Variants in NFYC observed in about 807,000 individuals in gnomAD.
NFYC encodes nuclear transcription factor Y subunit gamma.
NFYC carries 25 observed loss-of-function variants against 53.1 expected under a neutral mutation model. That is an observed-to-expected ratio of 0.47 (90% CI 0.34 to 0.66). NFYC has a LOEUF of 0.66. Ranked by LOEUF, NFYC falls within the 30% of genes least tolerant of loss-of-function variation. The pLI, the probability that NFYC is intolerant of heterozygous loss-of-function variation, is 0.01. For missense variants in NFYC, 260 were observed against 422.7 expected (o/e 0.62, Z 3.38); for synonymous variants, 145 against 152.6 (o/e 0.95, Z 0.37).
At chr1:40,767,966 A>G (rs1256839060) in intron 8 of NFYC, among the ~76,000 whole-genome samples, 2 of 152,020 alleles carry the variant, frequency 1.3e-5, no homozygotes, top group Non-Finnish European at 2.9e-5. Context: ...ACAGAGTGAG[A>G]CTCTGTCTCA....
intron 1 of NFYC, among the ~76,000 whole-genome samples, chr1:40,714,510 A>T (rs902601226): frequency 6.6e-6 from 1 of 152,212 alleles, no homozygotes; most frequent in Admixed American, 6.5e-5. Flanking sequence ...GGCTTGAACG[A>T]TGTAAGTTAT....
At chr1:40,738,763 A>G (rs1645186289) in intron 1 of NFYC, 73 bp from the exon 2 acceptor site, 2 of 1,062,346 alleles carry the variant, frequency 1.9e-6, no homozygotes, top group Non-Finnish European at 2.9e-6. Flanking sequence ...CCACAAATAT[A>G]CAAATGCCTA....
At position 40,710,625 on chromosome 1, in the gene NFYC, C is replaced by G. The variant is rs896681856; in HGVS notation, c.-9+18758C>G. On this transcript the variant is annotated intron_variant, in intron 1 of 9. Transcript: ENST00000447388. ...TTTCTGCAGCAGACTCAGTGTGGAG[C>G]CGTCAGCCAGCAGCACTTAGTCTCT... 2.6e-5 allele frequency among the ~76,000 whole-genome samples: 4 copies of G among 152,282 alleles called. No individual in the cohort carries two copies. In the East Asian group the frequency reaches 7.7e-4, roughly 29 times the overall value.
chr1:40,701,381 A>G (rs1351554726), intron 1 of NFYC, among the ~76,000 whole-genome samples: 1 of 152,194 alleles, frequency 6.6e-6, no homozygotes. Flanking sequence ...GATTAAAGGC[A>G]TGAGCCACTG....
chr1:40,714,575 A>T (rs1201696834), intron 1 of NFYC, among the ~76,000 whole-genome samples: 1 of 152,200 alleles, frequency 6.6e-6, no homozygotes. Flanking sequence ...ACATAGCTGG[A>T]TAGAATATAT....
intron 1 of NFYC, among the ~76,000 whole-genome samples, chr1:40,706,926 T>C (rs1643719899): frequency 6.6e-6 from 1 of 152,130 alleles, no homozygotes; most frequent in African/African-American, 2.4e-5. Flanking sequence ...TCCCAGCACT[T>C]TGGGAGACCG....
chr1:40,727,864 T>G (rs555771632), intron 1 of NFYC, among the ~76,000 whole-genome samples: 2 of 143,592 alleles, frequency 1.4e-5, no homozygotes, highest in Admixed American at 1.5e-4. Flanking sequence ...TTTAAAATGG[T>G]GAATCCTGTC....
At chr1:40,759,932 A>G (rs1425943224) in intron 6 of NFYC, among the ~76,000 whole-genome samples, 3 of 152,134 alleles carry the variant, frequency 2.0e-5, no homozygotes, top group African/African-American at 7.2e-5. Context: ...TAGAAGAAAA[A>G]AAAATGGAGT....
chr1:40,747,626 A>G (rs749813034), intron 3 of NFYC, 21 bp downstream of exon 3: 2 of 1,520,664 alleles, frequency 1.3e-6, no homozygotes, highest in East Asian at 4.5e-5. Context: ...ATTCATTTTT[A>G]TTATTTCTTA....
At chr1:40,750,269 A>G (rs1453723378) in intron 4 of NFYC, among the ~76,000 whole-genome samples, 3 of 152,162 alleles carry the variant, frequency 2.0e-5, no homozygotes, top group Non-Finnish European at 4.4e-5. Context: ...TCTTAGAGGA[A>G]AGATTTCCCA....
chr1:40,724,968 T>TA (rs1173969207), intron 1 of NFYC, among the ~76,000 whole-genome samples: 1 of 152,198 alleles, frequency 6.6e-6, no homozygotes, highest in Non-Finnish European at 1.5e-5. Context: ...TTAACACAGA[T>TA]ATACCTTCAA....
chr1:40,742,756 A>G (rs7527402), intron 2 of NFYC, among the ~76,000 whole-genome samples: 133,550 of 152,224 alleles, frequency 0.88, 58,705 homozygotes, highest in East Asian at 0.98. Flanking sequence ...TCAATTCCAT[A>G]TTTGAGTAAG....
In NFYC at chr1:40,766,940, G is replaced by A. The variant is rs767720223; in HGVS notation, c.828+237G>A. 69 of 1,552,048 alleles carry A rather than the reference G, an allele frequency of 4.4e-5. No individual in the cohort carries two copies. The highest frequency in any genetic ancestry group is 5.9e-5 in the Admixed American group (3 of 50,984). On this transcript the variant is annotated intron_variant, in intron 8 of 9. Transcript: ENST00000447388. Reference sequence around the variant, plus strand: ...AAGGGGCAAAGAAATGCAAGTCAGGGGAAGCCTCGAAGGTGCCTGAAAGAA... The same window carrying A: ...AAGGGGCAAAGAAATGCAAGTCAGGAGAAGCCTCGAAGGTGCCTGAAAGAA...
chr1:40,710,985 T>A lies in NFYC; in HGVS notation c.-9+19118T>A, dbSNP rs1570362518. Among the ~76,000 whole-genome samples the A allele has an allele frequency of 2.6e-5, 4 of 152,302 alleles. No individual in the cohort carries two copies. In the East Asian group the frequency reaches 7.7e-4, roughly 29 times the overall value. Reference sequence around the variant, plus strand: ...GTGGTTAGTAGGAATATGTTATAGATTCAGATTAGGAATTTTCAGGGAATA... The same window carrying A: ...GTGGTTAGTAGGAATATGTTATAGAATCAGATTAGGAATTTTCAGGGAATA... On this transcript the variant is annotated intron_variant, in intron 1 of 9. Transcript: ENST00000447388.
At position 40,722,171 on chromosome 1, in the gene NFYC, A is replaced by C. The variant is rs192732676; in HGVS notation, c.-8-16665A>C. Among the ~76,000 whole-genome samples the C allele has an allele frequency of 5.0e-3, 755 of 151,962 alleles. 5 individuals carry two copies. The highest frequency in any genetic ancestry group is 0.018 in the African/African-American group (732 of 41,530). ...GGGTGACAGAGTGAGATTCCATCCC[A>C]AAAAATATATATAAATAAATAATTA... On this transcript the variant is annotated intron_variant, in intron 1 of 9. Coordinates refer to ENST00000447388, the MANE Select transcript of NFYC (RefSeq NM_014223.5).
intron 8 of NFYC, 161 bp from the exon 9 acceptor site, chr1:40,769,195 T>C (rs975891942): frequency 1.4e-5 from 10 of 693,738 alleles, no homozygotes; most frequent in Non-Finnish European, 2.7e-5. Flanking sequence ...CCATCAGTGC[T>C]AGATTAGGAG....
intron 6 of NFYC, among the ~76,000 whole-genome samples, chr1:40,760,675 G>A (rs895695752): frequency 1.3e-5 from 2 of 151,558 alleles, no homozygotes; most frequent in South Asian, 2.1e-4. Flanking sequence ...AGCTGAGATC[G>A]TGCCACTGCA....
At chr1:40,700,053 A>G (rs998037037) in intron 1 of NFYC, among the ~76,000 whole-genome samples, 1 of 152,224 alleles carries the variant, frequency 6.6e-6, no homozygotes, top group South Asian at 2.1e-4. Context: ...CCAGTTGAGC[A>G]GTTCTGGTGT....
rs151207743 is a variant in NFYC at position 40,761,750 on chromosome 1, G to A, written c.562-1138G>A. ...GTTGTAATTTTCAGTAACCTATGCA[G>A]TCAGAATTAAGAACATCAGAATAGC... On this transcript the variant is annotated intron_variant, in intron 6 of 9. Transcript: ENST00000447388. Among the ~76,000 whole-genome samples, 492 of 152,320 alleles carry A rather than the reference G, an allele frequency of 3.2e-3. 2 individuals are homozygous for A. The highest frequency in any genetic ancestry group is 0.012 in the African/African-American group (478 of 41,562).
Sources: allele counts gnomAD v4.1 joint callset (sites outside exome capture counted in the v4.1 genomes callset), GRCh38; gene constraint gnomAD v4.1.1; transcripts MANE v1.5; gene names NCBI Gene and HGNC (gene_info 2026-07-23, HGNC 2026-07-21).